Variants in MGAT4C observed in about 807,000 individuals in gnomAD.
MGAT4C encodes the protein MGAT4 family member C, also known as alpha-1,3-mannosyl-glycoprotein 4-beta-N-acetylglucosaminyltransferase C.
Under a neutral mutation model 40.1 loss-of-function variants are expected in MGAT4C, and 19 were observed. That is an observed-to-expected ratio of 0.47 (90% CI 0.33 to 0.70). MGAT4C has a LOEUF of 0.70. MGAT4C is among the 30% of genes least tolerant of loss of function. The probability of loss-of-function intolerance (pLI) is 0.02; values close to 1 mark genes in which losing one functional copy is unlikely to be tolerated. For missense variants in MGAT4C, 491 were observed against 563.2 expected, an observed-to-expected ratio of 0.87 and a Z score of 1.30; for synonymous variants, 181 against 187.1, an observed-to-expected ratio of 0.97 and a Z score of 0.27.
chr12:86,446,446 T>C (rs1957335339), intron 2 of MGAT4C, among the ~76,000 whole-genome samples: 1 of 151,628 alleles, frequency 6.6e-6, no homozygotes, highest in African/African-American at 2.4e-5. Context: ...CTTGAGGCTC[T>C]GACTTAGAGA....
intron 2 of MGAT4C, among the ~76,000 whole-genome samples, chr12:86,452,673 A>C (rs575384873): frequency 6.6e-6 from 1 of 152,234 alleles, no homozygotes; most frequent in Admixed American, 6.6e-5. Flanking sequence ...AAAATTAAGT[A>C]ATAGCATAGT....
chr12:86,360,577 T>G (rs898337934), intron 3 of MGAT4C, among the ~76,000 whole-genome samples: 1 of 152,108 alleles, frequency 6.6e-6, no homozygotes, highest in African/African-American at 2.4e-5. Context: ...GATTGTATAT[T>G]TAGAAAACCC....
chr12:86,009,371 T>A (rs1888224070), intron 2 of MGAT4C, among the ~76,000 whole-genome samples: 2 of 152,154 alleles, frequency 1.3e-5, no homozygotes, highest in African/African-American at 4.8e-5. Context: ...CATAAAATAA[T>A]CCCTTTCTCT....
At chr12:85,992,191 C>T (rs975623333) in intron 2 of MGAT4C, among the ~76,000 whole-genome samples, 2 of 152,164 alleles carry the variant, frequency 1.3e-5, no homozygotes, top group African/African-American at 2.4e-5. Context: ...CAGTTAAAAG[C>T]GACTAGCACA....
chr12:86,684,762 T>A (rs1403084211), intron 2 of MGAT4C, among the ~76,000 whole-genome samples: 1 of 152,212 alleles, frequency 6.6e-6, no homozygotes, highest in African/African-American at 2.4e-5. Context: ...TGGTTCTGAT[T>A]TTCATTTCTC....
chr12:86,436,566 G>T (rs1049821238), intron 2 of MGAT4C, among the ~76,000 whole-genome samples: 4 of 151,534 alleles, frequency 2.6e-5, no homozygotes, highest in Admixed American at 2.6e-4. Context: ...GAACAGTGAA[G>T]ACAGCATTAT....
chr12:86,409,050 T>C (rs1035740130), intron 3 of MGAT4C, among the ~76,000 whole-genome samples: 2 of 152,118 alleles, frequency 1.3e-5, no homozygotes, highest in Admixed American at 6.6e-5. Flanking sequence ...ACTAAATATC[T>C]AAGGCAGCAA....
chr12:86,431,971 A>G (rs1957048214), intron 3 of MGAT4C, among the ~76,000 whole-genome samples: 1 of 152,082 alleles, frequency 6.6e-6, no homozygotes, highest in African/African-American at 2.4e-5. Flanking sequence ...AGAGAGAGAG[A>G]GGAAGTATTA....
intron 3 of MGAT4C, among the ~76,000 whole-genome samples, chr12:86,398,281 T>C (rs1050526135): frequency 6.6e-5 from 10 of 152,182 alleles, no homozygotes; most frequent in African/African-American, 1.2e-4. Flanking sequence ...TTCCTTGATA[T>C]GTAGCCACAT....
At chr12:86,558,346 A>T (rs1247235038) in intron 2 of MGAT4C, among the ~76,000 whole-genome samples, 2 of 152,156 alleles carry the variant, frequency 1.3e-5, no homozygotes, top group African/African-American at 4.8e-5. Flanking sequence ...ATCTACATTT[A>T]TGAAGCTCAA....
intron 1 of MGAT4C, among the ~76,000 whole-genome samples, chr12:86,060,092 G>C (rs1467009243): frequency 1.3e-5 from 2 of 152,092 alleles, no homozygotes; most frequent in Non-Finnish European, 2.9e-5. Flanking sequence ...ATGAGGACTA[G>C]AACTTCAGTT....
intron 1 of MGAT4C, among the ~76,000 whole-genome samples, chr12:86,201,633 G>A (rs1051387429): frequency 7.3e-5 from 11 of 151,536 alleles, no homozygotes; most frequent in South Asian, 6.2e-4. Context: ...TTTTAGTGTT[G>A]TTTTGACTAT....
At chr12:86,735,923 A>T (rs898618612) in intron 1 of MGAT4C, among the ~76,000 whole-genome samples, 1 of 151,726 alleles carries the variant, frequency 6.6e-6, no homozygotes, top group Admixed American at 6.6e-5. Context: ...TGCATACTTT[A>T]TATGTTTTTA....
At chr12:86,644,606 C>A (rs1022770471) in intron 2 of MGAT4C, among the ~76,000 whole-genome samples, 8 of 151,638 alleles carry the variant, frequency 5.3e-5, no homozygotes, top group African/African-American at 1.9e-4. Context: ...GAGCCAAATG[C>A]AAAATGCCTG....
intron 1 of MGAT4C, among the ~76,000 whole-genome samples, chr12:86,736,311 T>C (rs532328685): frequency 6.6e-6 from 1 of 151,866 alleles, no homozygotes; most frequent in South Asian, 2.1e-4. Flanking sequence ...TTCAGCTCAA[T>C]CCCTCTTAGA....
chr12:86,834,637 C>T (rs180999602), intron 1 of MGAT4C, among the ~76,000 whole-genome samples: 1 of 149,822 alleles, frequency 6.7e-6, no homozygotes, highest in Non-Finnish European at 1.5e-5. Context: ...CACACACACA[C>T]CCCTTTACAG....
At chr12:86,697,348 A>T (rs1950276718) in intron 2 of MGAT4C, among the ~76,000 whole-genome samples, 1 of 152,096 alleles carries the variant, frequency 6.6e-6, no homozygotes, top group South Asian at 2.1e-4. Context: ...AATTGATGAT[A>T]TTAAAGTGGA....
At chr12:86,395,287 A>G (rs2136231947) in intron 3 of MGAT4C, among the ~76,000 whole-genome samples, 1 of 152,284 alleles carries the variant, frequency 6.6e-6, no homozygotes, top group South Asian at 2.1e-4. Context: ...TGCATTATAC[A>G]GAGGTTCTGG....
chr12:86,154,265 C>T (rs1252832964), intron 1 of MGAT4C, among the ~76,000 whole-genome samples: 2 of 152,108 alleles, frequency 1.3e-5, no homozygotes, highest in African/African-American at 4.8e-5. Flanking sequence ...AATTCAACAT[C>T]CTGAGGTAAG....
Sources: allele counts gnomAD v4.1 joint callset (sites outside exome capture counted in the v4.1 genomes callset), GRCh38; gene constraint gnomAD v4.1.1; transcripts MANE v1.5; gene names NCBI Gene and HGNC (gene_info 2026-07-23, HGNC 2026-07-21).